Variants in ZNF268 observed in about 807,000 individuals in gnomAD.
ZNF268 encodes zinc finger protein 268, also known as zinc finger protein 3.
A neutral mutation model predicts 29.3 loss-of-function variants in ZNF268; 20 were observed. That is an observed-to-expected ratio of 0.68 (90% CI 0.48 to 0.99). ZNF268 has a LOEUF of 0.99. Among genes scored for constraint, ZNF268 ranks in the 50% least tolerant of loss-of-function variants. The pLI, the probability that ZNF268 is intolerant of heterozygous loss-of-function variation, is 0.00. For missense variants in ZNF268, 1,240 were observed against 1,121.6 expected (o/e 1.11, Z -1.51); for synonymous variants, 429 against 376.9 (o/e 1.14, Z -1.60).
In ZNF268 at chr12:133,210,626, A is replaced by G. The variant is rs1015580067; in HGVS notation, c.*6096A>G. The G allele has an allele frequency of 1.3e-4, 43 of 341,922 alleles. No homozygotes were observed. The highest frequency in any genetic ancestry group is 2.3e-4 in the Non-Finnish European group (39 of 171,332). The allele number at this position is 341,922 out of a possible 1,614,324, so 21.2% of individuals were successfully genotyped here. On this transcript the variant is annotated 3_prime_UTR_variant, in exon 6 of 6. Coordinates refer to ENST00000536435, the MANE Select transcript of ZNF268 (RefSeq NM_003415.3). ...TCCTGAGATGAGGTAAATTCTGGTC[A>G]TCACTGTGAAGTGCCCTCGGGGGTC...
At chr12:133,182,763 C>T (rs544924548) in intron 2 of ZNF268, among the ~76,000 whole-genome samples, 1 of 152,276 alleles carries the variant, frequency 6.6e-6, no homozygotes, top group Admixed American at 6.5e-5. Flanking sequence ...GAACTTTGGG[C>T]ACTTTAGGGT....
intron 5 of ZNF268, among the ~76,000 whole-genome samples, chr12:133,197,815 T>A (rs1956648687): frequency 6.6e-6 from 1 of 152,192 alleles, no homozygotes; most frequent in Admixed American, 6.5e-5. Context: ...TTCATGTGTT[T>A]TTTGGCTGCA....
In ZNF268 at chr12:133,207,848, A is replaced by C. The variant is rs1286035089; in HGVS notation, c.*3318A>C. 6.6e-6 allele frequency: 1 copy of C among 152,134 alleles called. No homozygotes were observed. Among genetic ancestry groups the C allele is most frequent in the Non-Finnish European group, 1.5e-5 (1 of 68,046 alleles). The allele number at this position is 152,134 out of a possible 1,614,324, so 9.4% of individuals were successfully genotyped here. On this transcript the variant is annotated 3_prime_UTR_variant, in exon 6 of 6. Coordinates refer to ENST00000536435, the MANE Select transcript of ZNF268 (RefSeq NM_003415.3). The stretch of plus-strand genomic sequence containing the variant: ...ATGTTTGGAAGATTTAATATTAGAA[A>C]ATATTTTAATTAACTACCAGATAAA...
At chr12:133,193,923 T>G (rs1956536554) in intron 5 of ZNF268, among the ~76,000 whole-genome samples, 1 of 152,208 alleles carries the variant, frequency 6.6e-6, no homozygotes, top group Non-Finnish European at 1.5e-5. Flanking sequence ...GTTTATCCTG[T>G]TTTTTAAATT....
Position 133,212,896 on chromosome 12 carries a change from C to T in ZNF268, c.*8366C>T, listed in dbSNP as rs1957008653. 1 of 152,210 alleles carries T rather than the reference C, an allele frequency of 6.6e-6. No homozygotes were observed. The highest frequency in any genetic ancestry group is 6.5e-5 in the Admixed American group (1 of 15,270). The allele number at this position is 152,210 out of a possible 1,614,324, so 9.4% of individuals were successfully genotyped here. Reference sequence around the variant, plus strand: ...ATGGAGTTTCACTCTGTCACCCAGGCTGGAGTGCAGTGGCACCATTTCAGC... The same window carrying T: ...ATGGAGTTTCACTCTGTCACCCAGGTTGGAGTGCAGTGGCACCATTTCAGC... On this transcript the variant is annotated 3_prime_UTR_variant, in exon 6 of 6. Coordinates refer to ENST00000536435, the MANE Select transcript of ZNF268 (RefSeq NM_003415.3).
chr12:133,185,183 C>CAAA (rs534300830), intron 2 of ZNF268, among the ~76,000 whole-genome samples: 28 of 87,964 alleles, frequency 3.2e-4, no homozygotes, highest in East Asian at 7.9e-4. Flanking sequence ...GACTCTGTCT[C>CAAA]AAAAAAAAAA....
chr12:133,182,867 C>T (rs1203638464), intron 2 of ZNF268, among the ~76,000 whole-genome samples: 1 of 152,054 alleles, frequency 6.6e-6, no homozygotes, highest in East Asian at 1.9e-4. Flanking sequence ...TTTGAGGACC[C>T]CATTAAAAAC....
At chr12:133,201,163 A>G (rs556818733) in intron 5 of ZNF268, among the ~76,000 whole-genome samples, 8 of 152,160 alleles carry the variant, frequency 5.3e-5, no homozygotes, top group African/African-American at 1.9e-4. Flanking sequence ...TGTTTTCATC[A>G]TGTATTCAAT....
chr12:133,211,264 A>T lies in ZNF268; in HGVS notation c.*6734A>T. The T allele has an allele frequency of 2.8e-6, 1 of 354,448 alleles. No homozygotes were observed. Among genetic ancestry groups the T allele is most frequent in the South Asian group, 2.2e-5 (1 of 45,844 alleles). The allele number at this position is 354,448 out of a possible 1,614,324, so 22.0% of individuals were successfully genotyped here. On this transcript the variant is annotated 3_prime_UTR_variant, in exon 6 of 6. Transcript: ENST00000536435. ...ACAACCCAATTAAAAATGGGGACAG[A>T]TCCAAATACATACTTTCCAAAGATA...
At position 133,212,493 on chromosome 12, in the gene ZNF268, A is replaced by ATG. The variant is rs1956999787; in HGVS notation, c.*7964_*7965insGT. On this transcript the variant is annotated 3_prime_UTR_variant, in exon 6 of 6. Coordinates refer to ENST00000536435, the MANE Select transcript of ZNF268 (RefSeq NM_003415.3). ...TATATATATATATATATATATATAT[A>ATG]TATATGTATATATACACACACACAT... The ATG allele has an allele frequency of 4.7e-5, 1 of 21,130 alleles. No individual in the cohort carries two copies. Among genetic ancestry groups the ATG allele is most frequent in the Non-Finnish European group, 7.5e-5 (1 of 13,294 alleles). 1.3% of individuals were successfully genotyped at this position (21,130 alleles called of 1,614,324 possible). A position where few individuals can be genotyped will look rare whatever the true frequency, so the allele number is the denominator to read the frequency against.
intron 3 of ZNF268, among the ~76,000 whole-genome samples, chr12:133,190,538 CT>C (rs1185322870): frequency 1.3e-5 from 2 of 152,170 alleles, no homozygotes; most frequent in East Asian, 3.9e-4. Flanking sequence ...TTGCAATTCC[CT>C]AATGACATAT....
chr12:133,196,959 T>G lies in ZNF268; in HGVS notation c.457+4956T>G, dbSNP rs572990038. Among the ~76,000 whole-genome samples, 49 of 150,476 alleles carry G rather than the reference T, an allele frequency of 3.3e-4. No homozygotes were observed. The South Asian group carries it at 1.0e-2, about 31-fold the overall frequency. ...TAAGATCCCCTGATCTGCTCTGCTT[T>G]CTTTTTTTTTTAATATTAATACCTT... is the stretch of plus-strand genomic sequence containing the variant. On this transcript the variant is annotated intron_variant, in intron 5 of 5. Transcript: ENST00000536435.
rs752462079 is a variant in ZNF268 at position 133,203,522 on chromosome 12, T to G, written c.1836T>G (p.Phe612Leu). ...GAACTCATACAGGGGAGAAACCATT[T>G]GAATGTAGTGAGTGTCAGAAAGCCT... ...HQRTHTGEKP[F>L]ECSECQKAFN... is the part of the protein sequence containing the mutation. Residue 612 changes from phenylalanine (F) to leucine (L), a missense_variant, in exon 6 of 6, where the codon TTT becomes TTG. Phe to Leu is a conservative substitution (Grantham distance 22). This residue lies in a region of ZNF268 where 1,177 missense variants were observed against 1,039.6 expected (regional missense o/e 1.13). Transcript: ENST00000536435. 1.3e-6 allele frequency: 2 copies of G among 1,547,378 alleles called. No homozygotes were observed. The highest frequency in any genetic ancestry group is 1.7e-6 in the Non-Finnish European group (2 of 1,150,198).
chr12:133,198,280 A>G (rs1956663829), intron 5 of ZNF268, among the ~76,000 whole-genome samples: 1 of 150,966 alleles, frequency 6.6e-6, no homozygotes, highest in Non-Finnish European at 1.5e-5. Context: ...AGCACCATTT[A>G]TTAAATAGGG....
rs1956826277 is a variant in ZNF268 at position 133,203,912 on chromosome 12, T to C, written c.2226T>C (p.His742=). ...GTTTCAATTCACAACTCATTGTGCA[T>C]CAGAGAATTCACACAGGAGAAAATC... The part of the protein sequence containing the change: ...SFSFNSQLIV[H]QRIHTGENPY... Residue 742 remains histidine (H), a synonymous_variant, in exon 6 of 6, where the codon CAT becomes CAC. Coordinates refer to ENST00000536435, the MANE Select transcript of ZNF268 (RefSeq NM_003415.3). 6.3e-7 allele frequency: 1 copy of C among 1,586,290 alleles called. No homozygotes were observed. The highest frequency in any genetic ancestry group is 8.6e-7 in the Non-Finnish European group (1 of 1,168,700).
rs1179623812 is a variant in ZNF268 at position 133,212,381 on chromosome 12, T to C, written c.*7851T>C. The C allele has an allele frequency of 6.7e-6, 1 of 150,034 alleles. No homozygotes were observed. Among genetic ancestry groups the C allele is most frequent in the East Asian group, 1.9e-4 (1 of 5,164 alleles). The allele number at this position is 150,034 out of a possible 1,614,324, so 9.3% of individuals were successfully genotyped here. On this transcript the variant is annotated 3_prime_UTR_variant, in exon 6 of 6. Transcript: ENST00000536435. ...CACTTATCACTCCAGGAGAGCAGGG[T>C]GTTCTTTCATCACACATGAAATTAT...
chr12:133,199,151 A>G (rs932918988), intron 5 of ZNF268, among the ~76,000 whole-genome samples: 29 of 152,192 alleles, frequency 1.9e-4, no homozygotes, highest in African/African-American at 6.5e-4. Context: ...TTGCCCATTC[A>G]GTATGATATT....
chr12:133,202,910 A>T lies in ZNF268; in HGVS notation c.1224A>T (p.Arg408Ser). 6.5e-7 allele frequency: 1 copy of T among 1,547,870 alleles called. No individual in the cohort carries two copies. Among genetic ancestry groups the T allele is most frequent in the Non-Finnish European group, 8.7e-7 (1 of 1,150,502 alleles). Residue 408 changes from arginine to serine, a missense_variant, in exon 6 of 6, where the codon AGA becomes AGT. This residue lies in a region of ZNF268 where 1,177 missense variants were observed against 1,039.6 expected (regional missense o/e 1.13). Transcript: ENST00000536435. ...AATCACAGCTCATTATACATGAAAG[A>T]ATTCATACAGGAGAGAAACCATATG... ...GLKSQLIIHE[R>S]IHTGEKPYEC...
At chr12:133,196,319 T>TAAA (rs58218652) in intron 5 of ZNF268, among the ~76,000 whole-genome samples, 2 of 100,986 alleles carry the variant, frequency 2.0e-5, no homozygotes, top group Non-Finnish European at 2.0e-5. Flanking sequence ...AGACTCCATC[T>TAAA]AAAAAAAAAA....
Sources: gnomAD v4.1 joint callset for allele counts (sites outside exome capture counted in the v4.1 genomes callset) on GRCh38, gnomAD v4.1.1 for gene constraint, gnomAD v4.1.1 regional missense constraint, MANE v1.5 for transcripts, NCBI Gene and HGNC (gene_info 2026-07-23, HGNC 2026-07-21) for gene names.